The following RTL4 variants were observed in gnomAD, a reference collection of about 807,000 sequenced individuals.
RTL4 encodes the protein retrotransposon Gag-like protein 4.
In RTL4, 4 loss-of-function variants were observed where a neutral mutation model predicts 5.3. The observed-to-expected ratio is 0.75, with a 90% CI of 0.37 to 1.72. The LOEUF (loss-of-function observed/expected upper bound fraction) is 1.72. Among genes scored for constraint, RTL4 ranks in the 40% most tolerant of loss-of-function variants. The pLI is 0.04. For synonymous variants in RTL4, 98 were observed against 87.3 expected (o/e 1.12, Z -0.68); for missense variants, 260 against 227.1 (o/e 1.14, Z -0.93).
chrX:112,419,422 G>A, the RTL4 span, among the ~76,000 whole-genome samples: 3 of 73,656 alleles, frequency 4.1e-5, no homozygotes, highest in South Asian at 9.5e-4. Context: ...GTGTAATGGC[G>A]CAATCTCAGC....
At chrX:112,247,281 A>C in the RTL4 span, among the ~76,000 whole-genome samples, 1 of 111,724 alleles carries the variant, frequency 9.0e-6, no homozygotes, top group Admixed American at 9.5e-5. Context: ...GGTACCTATT[A>C]ATAGTCATTC....
At chrX:112,096,742 A>T in the RTL4 span, among the ~76,000 whole-genome samples, 2 of 111,795 alleles carry the variant, frequency 1.8e-5, no homozygotes, top group South Asian at 3.7e-4. Context: ...CAAAGCAAGG[A>T]TGTTGGAAAG....
At chrX:112,163,785 T>C in the RTL4 span, among the ~76,000 whole-genome samples, 1 of 111,874 alleles carries the variant, frequency 8.9e-6, no homozygotes, top group African/African-American at 3.2e-5. Flanking sequence ...AGATGAAGTA[T>C]GCAAAGTACC....
At chrX:112,316,375 T>C in the RTL4 span, among the ~76,000 whole-genome samples, 1 of 111,424 alleles carries the variant, frequency 9.0e-6, no homozygotes, top group Non-Finnish European at 1.9e-5. Context: ...GAAAGTTGCT[T>C]TCCTTCTCTA....
the RTL4 span, among the ~76,000 whole-genome samples, chrX:112,261,120 G>A: frequency 9.0e-6 from 1 of 111,726 alleles, no homozygotes; most frequent in African/African-American, 3.3e-5. Flanking sequence ...GAATGAATGA[G>A]GCATGGGCTC....
the RTL4 span, among the ~76,000 whole-genome samples, chrX:112,201,506 T>C: frequency 9.0e-6 from 1 of 111,052 alleles, no homozygotes; most frequent in Non-Finnish European, 1.9e-5. Context: ...AGTGCCTTCA[T>C]TCATGGTTAT....
chrX:112,330,228 T>G, the RTL4 span, among the ~76,000 whole-genome samples: 1 of 108,854 alleles, frequency 9.2e-6, no homozygotes, highest in Non-Finnish European at 1.9e-5. Context: ...TTGTCCCTGT[T>G]TGCAGATAAC....
At chrX:112,195,061 A>G in the RTL4 span, among the ~76,000 whole-genome samples, 1 of 112,202 alleles carries the variant, frequency 8.9e-6, no homozygotes, top group Non-Finnish European at 1.9e-5. Context: ...TTGATTGGAC[A>G]AGATAATCAA....
the RTL4 span, among the ~76,000 whole-genome samples, chrX:112,089,847 C>G: frequency 1.8e-5 from 2 of 111,245 alleles, 1 homozygote; most frequent in Middle Eastern, 8.4e-3. Flanking sequence ...ATATTTCCAT[C>G]TCAACAATGT....
At chrX:112,177,940 C>G in the RTL4 span, among the ~76,000 whole-genome samples, 1 of 107,674 alleles carries the variant, frequency 9.3e-6, no homozygotes, top group African/African-American at 3.5e-5. Context: ...ACAGGAGTGT[C>G]TAAGTATTCC....
At chrX:112,178,850 TAAATCCACG>T in the RTL4 span, among the ~76,000 whole-genome samples, 3 of 111,032 alleles carry the variant, frequency 2.7e-5, no homozygotes, top group African/African-American at 9.8e-5. Context: ...TCTTAGAAAA[TAAATCCACG>T]ACACACAGAG....
the RTL4 span, among the ~76,000 whole-genome samples, chrX:112,228,181 TA>T: frequency 4.5e-5 from 5 of 110,356 alleles, no homozygotes; most frequent in African/African-American, 1.7e-4. Flanking sequence ...TATCACTGAA[TA>T]AGAAGTAAGG....
chrX:112,268,692 T>C, the RTL4 span, among the ~76,000 whole-genome samples: 1 of 111,904 alleles, frequency 8.9e-6, no homozygotes, highest in Admixed American at 9.5e-5. Context: ...GTCCACTAAG[T>C]CTTGTGTTCA....
At chrX:112,131,219 CT>C in the RTL4 span, among the ~76,000 whole-genome samples, 1 of 99,510 alleles carries the variant, frequency 1.0e-5, no homozygotes, top group East Asian at 3.1e-4. Flanking sequence ...ATGTAAATAC[CT>C]TTTTTTTTTT....
the RTL4 span, among the ~76,000 whole-genome samples, chrX:112,109,000 G>C: frequency 2.7e-5 from 3 of 110,517 alleles, no homozygotes; most frequent in Non-Finnish European, 5.7e-5. Context: ...TTTCCCTCAA[G>C]CAGATGGTAT....
the RTL4 span, among the ~76,000 whole-genome samples, chrX:112,101,039 T>C: frequency 8.9e-6 from 1 of 112,148 alleles, no homozygotes; most frequent in Non-Finnish European, 1.9e-5. Flanking sequence ...ACTCTATACA[T>C]ATATCTATAA....
the RTL4 span, among the ~76,000 whole-genome samples, chrX:112,409,050 G>A: frequency 8.9e-6 from 1 of 112,532 alleles, no homozygotes; most frequent in African/African-American, 3.2e-5. Flanking sequence ...TGAAAGAAAA[G>A]GATGATAATG....
At chrX:112,240,662 G>T in the RTL4 span, among the ~76,000 whole-genome samples, 63 of 111,304 alleles carry the variant, frequency 5.7e-4, no homozygotes, top group African/African-American at 2.0e-3. Context: ...GTAAATTGAA[G>T]ATCATTTGTA....
At chrX:112,114,167 A>G in the RTL4 span, among the ~76,000 whole-genome samples, 2 of 111,469 alleles carry the variant, frequency 1.8e-5, no homozygotes, top group Admixed American at 1.9e-4. Context: ...TCCCTGAGTT[A>G]TGGTGGACAT....
Sources: gnomAD v4.1 joint callset for allele counts (sites outside exome capture counted in the v4.1 genomes callset) on GRCh38, gnomAD v4.1.1 for gene constraint, MANE v1.5 for transcripts, NCBI Gene and HGNC (gene_info 2026-07-23, HGNC 2026-07-21) for gene names.